CDC42EP3: variants seen among roughly 807,000 people sequenced by gnomAD.
CDC42EP3 encodes the protein CDC42 effector protein 3.
In CDC42EP3, 4 loss-of-function variants were observed where a neutral mutation model predicts 15.5. That is an observed-to-expected ratio of 0.26 (90% CI 0.13 to 0.59). The LOEUF is 0.59. CDC42EP3 is among the 20% of genes least tolerant of loss of function. The pLI is 0.89. For synonymous variants in CDC42EP3, 145 were observed against 130.3 expected (o/e 1.11, Z -0.77); for missense variants, 309 against 311.2 (o/e 0.99, Z 0.05).
Position 37,644,607 on chromosome 2 carries a change from G to T in CDC42EP3, c.*1216C>A, listed in dbSNP as rs1558334709. ...GCTCAGAAATGACCACTGAGAGGGT[G>T]GCATCAGTGCTGACTTAAAAAAAAA... On this transcript the variant is annotated 3_prime_UTR_variant, in exon 2 of 2. Coordinates refer to ENST00000295324, the MANE Select transcript of CDC42EP3 (RefSeq NM_006449.5). 1 of 148,662 alleles carries T rather than the reference G, an allele frequency of 6.7e-6. No individual in the cohort carries two copies. The highest frequency in any genetic ancestry group is 1.5e-5 in the Non-Finnish European group (1 of 67,700). The allele number at this position is 148,662 out of a possible 1,614,324, so 9.2% of individuals were successfully genotyped here.
At chr2:37,655,937 A>C (rs1665833984) in intron 1 of CDC42EP3, among the ~76,000 whole-genome samples, 1 of 152,228 alleles carries the variant, frequency 6.6e-6, no homozygotes, top group Non-Finnish European at 1.5e-5. Context: ...GGTAATTTCA[A>C]ATGATCCCAA....
chr2:37,643,711 AAG>A lies in CDC42EP3; in HGVS notation c.*2110_*2111del, dbSNP rs1665343069. 6.6e-6 allele frequency: 1 copy of A among 152,108 alleles called. No homozygotes were observed. The highest frequency in any genetic ancestry group is 2.1e-4 in the South Asian group (1 of 4,832). 9.4% of individuals were successfully genotyped at this position (152,108 alleles called of 1,614,324 possible). On this transcript the variant is annotated 3_prime_UTR_variant, in exon 2 of 2. Transcript: ENST00000295324. ...ATTAAAATGGGGGGGAGGTATTGAA[AAG>A]AGTCTAAAATTGGCTACAAATAATG... is the stretch of plus-strand genomic sequence containing the variant.
chr2:37,659,842 G>C (rs540660396), intron 1 of CDC42EP3, among the ~76,000 whole-genome samples: 3 of 152,272 alleles, frequency 2.0e-5, no homozygotes, highest in African/African-American at 7.2e-5. Context: ...GATATGTGGG[G>C]AAAAATAAAC....
chr2:37,645,681 C>G lies in CDC42EP3; in HGVS notation c.*142G>C. 1 of 693,496 alleles carries G rather than the reference C, an allele frequency of 1.4e-6. No homozygotes were observed. Among genetic ancestry groups the G allele is most frequent in the Admixed American group, 2.9e-5 (1 of 34,894 alleles). The allele number at this position is 693,496 out of a possible 1,614,324, so 43.0% of individuals were successfully genotyped here. A position where few individuals can be genotyped will look rare whatever the true frequency, so the allele number is the denominator to read the frequency against. ...AATTGTTTTTGCAAACAGGGCATAA[C>G]AGGTAAAAAAATACTTTGTAAGAAT... On this transcript the variant is annotated 3_prime_UTR_variant, in exon 2 of 2. Coordinates refer to ENST00000295324, the MANE Select transcript of CDC42EP3 (RefSeq NM_006449.5).
chr2:37,647,491 C>T (rs1421279037), intron 1 of CDC42EP3: 1 of 152,182 alleles, frequency 6.6e-6, no homozygotes, highest in East Asian at 1.9e-4. Flanking sequence ...GATTTGAAGT[C>T]ATTCTGAGAT....
At chr2:37,671,378 A>G (rs1666413887) in intron 1 of CDC42EP3, 48 bp downstream of exon 1, 1 of 152,322 alleles carries the variant, frequency 6.6e-6, no homozygotes, top group Non-Finnish European at 1.5e-5. Context: ...GGCGGGACAG[A>G]CTCACAGACA....
chr2:37,643,266 A>G lies in CDC42EP3; in HGVS notation c.*2557T>C, dbSNP rs991526846. 1 of 152,248 alleles carries G rather than the reference A, an allele frequency of 6.6e-6. No homozygotes were observed. The highest frequency in any genetic ancestry group is 2.4e-5 in the African/African-American group (1 of 41,448). 9.4% of individuals were successfully genotyped at this position (152,248 alleles called of 1,614,324 possible). On this transcript the variant is annotated 3_prime_UTR_variant, in exon 2 of 2. Coordinates refer to ENST00000295324, the MANE Select transcript of CDC42EP3 (RefSeq NM_006449.5). ...TGGGTCTAAAGTGCCTCTCTGCAGG[A>G]AAGAAAGCCACCACCAGCAGTCCAC...
At chr2:37,670,309 A>AGAGCTGG (rs1488047822) in intron 1 of CDC42EP3, among the ~76,000 whole-genome samples, 1 of 152,164 alleles carries the variant, frequency 6.6e-6, no homozygotes, top group Non-Finnish European at 1.5e-5. Flanking sequence ...GTGAGAATTA[A>AGAGCTGG]GAGCTGGGAG....
In CDC42EP3 at chr2:37,646,288, G is replaced by A. The variant is rs1220709613; in HGVS notation, c.300C>T (p.Ser100=). The A allele has an allele frequency of 5.6e-6, 9 of 1,614,178 alleles. No homozygotes were observed. In the South Asian group the frequency reaches 7.7e-5, roughly 14 times the overall value. ...TSDSVFTETP[S]PVLKNAISLP... is the part of the protein sequence containing the mutation. The stretch of plus-strand genomic sequence containing the variant: ...GGGAGATGGCATTTTTGAGCACCGG[G>A]GAGGGCGTTTCTGTGAACACAGAGT... Residue 100 remains serine, a synonymous_variant, in exon 2 of 2, where the codon TCC becomes TCT. Transcript: ENST00000295324.
intron 1 of CDC42EP3, among the ~76,000 whole-genome samples, chr2:37,664,008 A>G (rs891206948): frequency 4.6e-5 from 7 of 152,262 alleles, no homozygotes; most frequent in African/African-American, 1.7e-4. Context: ...CCCCGTCTCT[A>G]TTAAACATAC....
At chr2:37,652,039 G>A (rs983177002) in intron 1 of CDC42EP3, among the ~76,000 whole-genome samples, 2 of 151,898 alleles carry the variant, frequency 1.3e-5, no homozygotes, top group African/African-American at 4.8e-5. Context: ...GCCGGGCCTG[G>A]TGGCAGGCGC....
intron 1 of CDC42EP3, among the ~76,000 whole-genome samples, chr2:37,669,233 TAAAA>T (rs577020049): frequency 8.2e-6 from 1 of 121,418 alleles, no homozygotes; most frequent in Non-Finnish European, 1.7e-5. Flanking sequence ...ATGGCCTGGC[TAAAA>T]AAAAAAAAAA....
chr2:37,652,858 C>A (rs6711909), intron 1 of CDC42EP3, among the ~76,000 whole-genome samples: 1 of 151,950 alleles, frequency 6.6e-6, no homozygotes, highest in African/African-American at 2.4e-5. Flanking sequence ...ACAGATGAGC[C>A]TCACCATGCC....
chr2:37,658,964 G>A (rs1299590361), intron 1 of CDC42EP3, among the ~76,000 whole-genome samples: 2 of 152,170 alleles, frequency 1.3e-5, no homozygotes. Context: ...TTGGAGATAA[G>A]ATAAAATAGC....
At chr2:37,659,063 A>G (rs140215075) in intron 1 of CDC42EP3, among the ~76,000 whole-genome samples, 17 of 152,352 alleles carry the variant, frequency 1.1e-4, no homozygotes, top group African/African-American at 3.8e-4. Flanking sequence ...AAGCTCCCAT[A>G]GCGTCCTGTG....
intron 1 of CDC42EP3, among the ~76,000 whole-genome samples, chr2:37,667,730 T>C (rs1176897236): frequency 6.6e-6 from 1 of 152,250 alleles, no homozygotes; most frequent in Non-Finnish European, 1.5e-5. Context: ...CAGGGTGATA[T>C]GAAATTATTT....
At chr2:37,648,644 G>A (rs1029252662) in intron 1 of CDC42EP3, among the ~76,000 whole-genome samples, 8 of 152,232 alleles carry the variant, frequency 5.3e-5, no homozygotes, top group African/African-American at 1.9e-4. Context: ...ATGCAGAGTG[G>A]GCTGACCATG....
At position 37,642,398 on chromosome 2, in the gene CDC42EP3, T is replaced by A. The variant is rs911364084; in HGVS notation, c.*3425A>T. On this transcript the variant is annotated 3_prime_UTR_variant, in exon 2 of 2. Coordinates refer to ENST00000295324, the MANE Select transcript of CDC42EP3 (RefSeq NM_006449.5). The stretch of plus-strand genomic sequence containing the variant: ...ATTTGGCATCTGGAAACTTCTCTTA[T>A]TTTGCTGGATATGGCTGTCTAGTGG... 1 of 152,244 alleles carries A rather than the reference T, an allele frequency of 6.6e-6. No individual in the cohort carries two copies. The highest frequency in any genetic ancestry group is 2.4e-5 in the African/African-American group (1 of 41,460). The allele number at this position is 152,244 out of a possible 1,614,324, so 9.4% of individuals were successfully genotyped here. A position where few individuals can be genotyped will look rare whatever the true frequency, so the allele number is the denominator to read the frequency against.
chr2:37,647,225 T>G (rs977835711), intron 1 of CDC42EP3, among the ~76,000 whole-genome samples: 2 of 152,274 alleles, frequency 1.3e-5, no homozygotes, highest in African/African-American at 4.8e-5. Context: ...GAGTTCCATA[T>G]GTACATAAGT....
Sources: gnomAD v4.1 joint callset for allele counts (sites outside exome capture counted in the v4.1 genomes callset) on GRCh38, gnomAD v4.1.1 for gene constraint, MANE v1.5 for transcripts, NCBI Gene and HGNC (gene_info 2026-07-23, HGNC 2026-07-21) for gene names.